Variants in ATP9A observed in about 807,000 individuals in gnomAD.
ATP9A encodes the protein probable phospholipid-transporting ATPase IIA.
A neutral mutation model predicts 144.1 loss-of-function variants in ATP9A; 52 were observed. The ratio of observed to expected loss-of-function variants is 0.36; its 90% CI spans 0.29 to 0.45. The LOEUF (loss-of-function observed/expected upper bound fraction) is 0.45. ATP9A is among the 20% of genes least tolerant of loss of function. The pLI is 1.00. For synonymous variants in ATP9A, 582 were observed against 557.4 expected, an observed-to-expected ratio of 1.04 and a Z score of -0.62; for missense variants, 947 against 1,392.7, an observed-to-expected ratio of 0.68 and a Z score of 5.09.
chr20:51,609,452 T>A (rs538865116), intron 24 of ATP9A, among the ~76,000 whole-genome samples: 1 of 152,260 alleles, frequency 6.6e-6, no homozygotes, highest in Non-Finnish European at 1.5e-5. Flanking sequence ...CTCAGCTGCA[T>A]GTGTCTGTAT....
chr20:51,636,813 C>A (rs1281627753), intron 15 of ATP9A, among the ~76,000 whole-genome samples: 1 of 152,242 alleles, frequency 6.6e-6, no homozygotes, highest in Non-Finnish European at 1.5e-5. Context: ...CTCTGGCACA[C>A]AATAAGCCCC....
intron 1 of ATP9A, among the ~76,000 whole-genome samples, chr20:51,766,547 T>C (rs1476352995): frequency 6.6e-6 from 1 of 152,134 alleles, no homozygotes; most frequent in African/African-American, 2.4e-5. Flanking sequence ...ATTGTCATCA[T>C]TAAAACGAAG....
At chr20:51,712,221 C>T (rs916099929) in intron 4 of ATP9A, among the ~76,000 whole-genome samples, 1 of 151,894 alleles carries the variant, frequency 6.6e-6, no homozygotes, top group African/African-American at 2.4e-5. Context: ...TACAGGCGCC[C>T]GCCACCATGC....
At chr20:51,705,388 G>C (rs879944025) in intron 4 of ATP9A, among the ~76,000 whole-genome samples, 1 of 152,174 alleles carries the variant, frequency 6.6e-6, no homozygotes, top group Admixed American at 6.6e-5. Context: ...AGAGTAAGCA[G>C]AGAGCATCAC....
intron 1 of ATP9A, among the ~76,000 whole-genome samples, chr20:51,763,664 G>C (rs1415133546): frequency 2.0e-5 from 3 of 152,080 alleles, no homozygotes; most frequent in Non-Finnish European, 4.4e-5. Flanking sequence ...CTTCAATAAA[G>C]CTGTTTAAAA....
chr20:51,625,265 A>G lies in ATP9A; in HGVS notation c.1943T>C (p.Leu648Pro). Residue 648 changes from leucine to proline, a missense_variant, in exon 18 of 28, where the codon CTG becomes CCG. By Grantham distance (98) the Leu-to-Pro change is moderately conservative (BLOSUM62 -3). Transcript: ENST00000338821. ...SLEMEMELLC[L>P]TGVEDQLQAD... The stretch of plus-strand genomic sequence containing the variant: ...CTGCAGCTGGTCCTCCACGCCCGTC[A>G]GGCACAGCAGTTCCATCTCCATCTC... The G allele has an allele frequency of 6.2e-7, 1 of 1,614,212 alleles. No homozygotes were observed. The highest frequency in any genetic ancestry group is 8.5e-7 in the Non-Finnish European group (1 of 1,180,022).
At chr20:51,727,048 CTTTGGGAGGCTGAGGCAGGCGGA>C in intron 2 of ATP9A, among the ~76,000 whole-genome samples, 1 of 151,694 alleles carries the variant, frequency 6.6e-6, no homozygotes, top group Non-Finnish European at 1.5e-5. Flanking sequence ...AATCCCAGCA[CTTTGGGAGGCTGAGGCAGGCGGA>C]TCACGAGGTA....
chr20:51,747,115 T>C (rs1275015068), intron 1 of ATP9A, among the ~76,000 whole-genome samples: 2 of 140,502 alleles, frequency 1.4e-5, no homozygotes, highest in Non-Finnish European at 1.6e-5. Flanking sequence ...TTTTTTTTTT[T>C]CCTGTTTAAC....
At chr20:51,604,674 C>T (rs981498271) in intron 27 of ATP9A, 143 bp downstream of exon 27, 8 of 682,134 alleles carry the variant, frequency 1.2e-5, no homozygotes, top group Admixed American at 4.0e-5. Context: ...GTTAAGAAAA[C>T]GTGGACAGCT....
In ATP9A at chr20:51,619,061, T is replaced by C. The variant is rs201429691; in HGVS notation, c.2116-18A>G. The stretch of plus-strand genomic sequence containing the variant: ...TTGGTCACCTGGAAGGGAACAGAGA[T>C]GGGGAAGGAGGCATTGCTCTCCGGA... On this transcript the variant is annotated intron_variant, in intron 19 of 27. Transcript: ENST00000338821. 81 of 1,604,548 alleles carry C rather than the reference T, an allele frequency of 5.0e-5. No individual in the cohort carries two copies. Among genetic ancestry groups the C allele is most frequent in the Non-Finnish European group, 1.5e-5 (17 of 1,171,564 alleles).
At chr20:51,626,158 A>C (rs1375147628) in intron 17 of ATP9A, among the ~76,000 whole-genome samples, 2 of 152,206 alleles carry the variant, frequency 1.3e-5, no homozygotes, top group Non-Finnish European at 2.9e-5. Flanking sequence ...TAAGCAAGTC[A>C]ATAATCTGGT....
intron 19 of ATP9A, 108 bp from the exon 20 acceptor site, chr20:51,619,151 G>T: frequency 1.1e-6 from 1 of 897,878 alleles, no homozygotes; most frequent in Non-Finnish European, 1.7e-6. Context: ...CCCCAGCCAA[G>T]GGTCCCTCCC....
At chr20:51,732,942 T>TTA (rs2077748367) in intron 1 of ATP9A, among the ~76,000 whole-genome samples, 1 of 151,918 alleles carries the variant, frequency 6.6e-6, no homozygotes. Context: ...TAAGAGCCAG[T>TTA]AATTCTCTCC....
At chr20:51,627,801 A>G in intron 16 of ATP9A, 118 bp from the exon 17 acceptor site, 1 of 831,418 alleles carries the variant, frequency 1.2e-6, no homozygotes, top group Non-Finnish European at 2.0e-6. Context: ...ATGGCAAATC[A>G]GAAAGTTGCT....
At chr20:51,630,500 C>T (rs957999413) in intron 15 of ATP9A, among the ~76,000 whole-genome samples, 1 of 152,016 alleles carries the variant, frequency 6.6e-6, no homozygotes, top group Non-Finnish European at 1.5e-5. Context: ...GTCAGGAGTT[C>T]GAGACCAGCC....
chr20:51,617,251 C>T (rs1195014761), intron 22 of ATP9A, among the ~76,000 whole-genome samples: 3 of 150,388 alleles, frequency 2.0e-5, no homozygotes, highest in African/African-American at 7.2e-5. Context: ...GGCCTAGAAA[C>T]ACTTTTTCTT....
rs567993306 is a variant in ATP9A at position 51,765,048 on chromosome 20, A to G, written c.68+3254T>C. ...TAAAATGGGAGAATTAACTCCAAAA[A>G]CTCACATGGTTGTTGTAAGGATTAA... On this transcript the variant is annotated intron_variant, in intron 1 of 27. Transcript: ENST00000338821. 4.6e-5 allele frequency among the ~76,000 whole-genome samples: 7 copies of G among 151,920 alleles called. No individual in the cohort carries two copies. The South Asian group carries it at 1.5e-3, about 32-fold the overall frequency.
chr20:51,685,442 A>T (rs990047335), intron 9 of ATP9A, among the ~76,000 whole-genome samples: 2 of 151,848 alleles, frequency 1.3e-5, no homozygotes, highest in Non-Finnish European at 2.9e-5. Context: ...GGCCCCTATA[A>T]TCCCAGCTAC....
intron 15 of ATP9A, among the ~76,000 whole-genome samples, chr20:51,638,071 T>TTATTTATATATATA (rs2077300968): frequency 5.9e-5 from 2 of 34,156 alleles, no homozygotes; most frequent in African/African-American, 8.6e-5. Context: ...TTTCATCATT[T>TTATTTATATATATA]TATATATATA....
Sources: allele counts gnomAD v4.1 joint callset (sites outside exome capture counted in the v4.1 genomes callset), GRCh38; gene constraint gnomAD v4.1.1; transcripts MANE v1.5; gene names NCBI Gene and HGNC (gene_info 2026-07-23, HGNC 2026-07-21).